The following DPYSL2 variants were observed in gnomAD, a reference collection of about 807,000 sequenced individuals.
DPYSL2 encodes dihydropyrimidinase like 2.
In DPYSL2, 13 loss-of-function variants were observed where a neutral mutation model predicts 69.9. The observed-to-expected ratio is 0.19, with a 90% CI of 0.12 to 0.30. The LOEUF (loss-of-function observed/expected upper bound fraction) is 0.30, where lower values mean the gene tolerates loss of function less well. Among genes scored for constraint, DPYSL2 ranks in the 10% least tolerant of loss-of-function variants. The pLI is 1.00. For missense variants in DPYSL2, 587 were observed against 918.9 expected, an observed-to-expected ratio of 0.64 and a Z score of 4.67; for synonymous variants, 326 against 359.1, an observed-to-expected ratio of 0.91 and a Z score of 1.04.
intron 1 of DPYSL2, among the ~76,000 whole-genome samples, chr8:26,551,046 T>C (rs1405463015): frequency 2.6e-5 from 4 of 152,248 alleles, no homozygotes; most frequent in Admixed American, 6.5e-5. Context: ...CTTTGTCCAC[T>C]GACTCACACA....
At chr8:26,581,252 A>G (rs967713631) in intron 1 of DPYSL2, among the ~76,000 whole-genome samples, 3 of 152,278 alleles carry the variant, frequency 2.0e-5, no homozygotes, top group African/African-American at 7.2e-5. Context: ...TTTTTGGTCA[A>G]TTGTGCTTGC....
At chr8:26,630,020 TACAC>T (rs941878323) in intron 7 of DPYSL2, among the ~76,000 whole-genome samples, 2 of 152,180 alleles carry the variant, frequency 1.3e-5, no homozygotes, top group Non-Finnish European at 2.9e-5. Context: ...CATGCACGTG[TACAC>T]ACACAGACAC....
rs553874774 is a variant in DPYSL2 at position 26,548,936 on chromosome 8, C to A, written c.355-33033C>A. 3.3e-5 allele frequency among the ~76,000 whole-genome samples: 5 copies of A among 152,230 alleles called. No homozygotes were observed. The East Asian group carries it at 7.7e-4, about 24-fold the overall frequency. On this transcript the variant is annotated intron_variant, in intron 1 of 13. Coordinates refer to ENST00000521913, the MANE Select transcript of DPYSL2 (RefSeq NM_001197293.3). ...GGGCGCAGTGGCTCACGCCTATAATCCCAGCACTTTGGGAAGCTGAGGCGG... is the reference window on the plus strand; with the variant it reads ...GGGCGCAGTGGCTCACGCCTATAATACCAGCACTTTGGGAAGCTGAGGCGG...
chr8:26,577,963 C>A lies in DPYSL2; in HGVS notation c.355-4006C>A, dbSNP rs368728694. On this transcript the variant is annotated intron_variant, in intron 1 of 13. Coordinates refer to ENST00000521913, the MANE Select transcript of DPYSL2 (RefSeq NM_001197293.3). ...GGCTTTTATTGCTGTAGTTTATTTC[C>A]ACCCCCTTCCCTCCTGTTTCTCTCT... 1.6e-5 allele frequency: 20 copies of A among 1,278,964 alleles called. No homozygotes were observed. In the Admixed American group the frequency reaches 2.3e-4, roughly 15 times the overall value. The allele number at this position is 1,278,964 out of a possible 1,614,324, so 79.2% of individuals were successfully genotyped here. A position where few individuals can be genotyped will look rare whatever the true frequency, so the allele number is the denominator to read the frequency against.
chr8:26,636,048 C>T (rs1256507438), intron 8 of DPYSL2, among the ~76,000 whole-genome samples: 1 of 152,158 alleles, frequency 6.6e-6, no homozygotes, highest in African/African-American at 2.4e-5. Context: ...ACGGACCCAG[C>T]GACTCCTGGC....
rs1393181933 is a variant in DPYSL2, at chr8:26,587,163, G to GAAAGAGAAAAT, written c.628+3181_628+3182insAAGAGAAAATA. On this transcript the variant is annotated intron_variant, in intron 3 of 13. Coordinates refer to ENST00000521913, the MANE Select transcript of DPYSL2 (RefSeq NM_001197293.3). The surrounding 1 kb of genome is among the most constrained non-coding windows in gnomAD (Gnocchi z 4.2). ...GGCTGGGATTTGCTTTACAGAGAAG[G>GAAAGAGAAAAT]AGGCCTTGCAAAGAGAAATAGCTTA... Among the ~76,000 whole-genome samples the GAAAGAGAAAAT allele has an allele frequency of 1.3e-5, 2 of 152,272 alleles. No individual in the cohort carries two copies. Among genetic ancestry groups the GAAAGAGAAAAT allele is most frequent in the South Asian group, 4.2e-4 (2 of 4,812 alleles).
Position 26,615,179 on chromosome 8 carries a change from C to T in DPYSL2, c.629-8964C>T, listed in dbSNP as rs186794725. Among the ~76,000 whole-genome samples, 552 of 152,254 alleles carry T rather than the reference C, an allele frequency of 3.6e-3. 3 individuals are homozygous for T. The highest frequency in any genetic ancestry group is 5.6e-3 in the Non-Finnish European group (380 of 68,010). ...TGTCTGTTCAGCTGAAAACTAGGGC[C>T]AACCCTGGCTCAGAGCTCAGGGGGC... is the stretch of plus-strand genomic sequence containing the variant. On this transcript the variant is annotated intron_variant, in intron 3 of 13. Transcript: ENST00000521913.
chr8:26,629,791 C>T (rs948369572), intron 7 of DPYSL2, among the ~76,000 whole-genome samples: 1 of 152,126 alleles, frequency 6.6e-6, no homozygotes, highest in Admixed American at 6.5e-5. Flanking sequence ...AACGGGGTCT[C>T]ACTATATTGC....
At chr8:26,639,179 T>C (rs1157774900) in intron 8 of DPYSL2, among the ~76,000 whole-genome samples, 1 of 152,176 alleles carries the variant, frequency 6.6e-6, no homozygotes, top group Non-Finnish European at 1.5e-5. Flanking sequence ...AGCTTGGGGA[T>C]GAGTCCTTAG....
chr8:26,583,246 T>C (rs979420394), intron 2 of DPYSL2, among the ~76,000 whole-genome samples: 1 of 152,236 alleles, frequency 6.6e-6, no homozygotes, highest in African/African-American at 2.4e-5. Context: ...TTTAAAATTA[T>C]ATTTCAGCTG....
chr8:26,546,283 T>A (rs1277969774), intron 1 of DPYSL2, among the ~76,000 whole-genome samples: 8 of 152,198 alleles, frequency 5.3e-5, no homozygotes, highest in Non-Finnish European at 1.2e-4. Context: ...TAATTATAAA[T>A]CCCACTTATT....
rs1206874179 is a variant in DPYSL2, at chr8:26,571,133, G to A, written c.355-10836G>A. On this transcript the variant is annotated intron_variant, in intron 1 of 13. Transcript: ENST00000521913. This position sits in a 1 kb window ranked among gnomAD's most constrained non-coding sequence, Gnocchi z 6.1. Reference sequence around the variant, plus strand: ...CTGTGGTGAGTGGACCCCTCACTAGGTAGGGAGTGAGCCCTTCCTCCTAGT... The same window carrying A: ...CTGTGGTGAGTGGACCCCTCACTAGATAGGGAGTGAGCCCTTCCTCCTAGT... Among the ~76,000 whole-genome samples the A allele has an allele frequency of 1.3e-5, 2 of 152,214 alleles. No homozygotes were observed. The highest frequency in any genetic ancestry group is 3.8e-4 in the East Asian group (2 of 5,200).
In DPYSL2 at chr8:26,577,772, T is replaced by G. The variant is rs554662733; in HGVS notation, c.355-4197T>G. 1.4e-4 allele frequency: 143 copies of G among 987,554 alleles called. 2 individuals are homozygous for G. The South Asian group carries it at 5.4e-3, about 37-fold the overall frequency. 61.2% of individuals were successfully genotyped at this position (987,554 alleles called of 1,614,324 possible). On this transcript the variant is annotated intron_variant, in intron 1 of 13. Coordinates refer to ENST00000521913, the MANE Select transcript of DPYSL2 (RefSeq NM_001197293.3). ...CCGCCTGCCGCCCCCGGCCGTTCAC[T>G]GCCGCATTTCGCGCTCTCGCGCCGC...
At position 26,545,630 on chromosome 8, in the gene DPYSL2, G is replaced by C. The variant is rs181803560; in HGVS notation, c.354+30951G>C. On this transcript the variant is annotated intron_variant, in intron 1 of 13. Transcript: ENST00000521913. Reference sequence around the variant, plus strand: ...AAAATACAAAAAATTAGCTGGGCATGGTGGCATGCACCTGTGATCCCAGCT... The same window carrying C: ...AAAATACAAAAAATTAGCTGGGCATCGTGGCATGCACCTGTGATCCCAGCT... Among the ~76,000 whole-genome samples the C allele has an allele frequency of 1.7e-4, 26 of 152,230 alleles. No homozygotes were observed. The East Asian group carries it at 4.2e-3, about 25-fold the overall frequency.
intron 11 of DPYSL2, among the ~76,000 whole-genome samples, chr8:26,651,055 T>C (rs1283645767): frequency 6.6e-6 from 1 of 152,190 alleles, no homozygotes; most frequent in Non-Finnish European, 1.5e-5. Context: ...GTCTTAGAAT[T>C]GATGAAAGAC....
chr8:26,578,447 T>C (rs1191067447), intron 1 of DPYSL2: 1 of 1,497,444 alleles, frequency 6.7e-7, no homozygotes, highest in East Asian at 2.4e-5. Flanking sequence ...GTGGTGGTGG[T>C]TGTGGGAGAT....
chr8:26,650,046 G>A lies in DPYSL2; in HGVS notation c.1597-2211G>A, dbSNP rs1283850063. ...ATCTTGGATGCTGCAGGGCTGGCAA[G>A]TGTTAGCAAAGTGCAATAAAGAGCC... On this transcript the variant is annotated intron_variant, in intron 11 of 13. Transcript: ENST00000521913. The surrounding 1 kb of genome is among the most constrained non-coding windows in gnomAD (Gnocchi z 5.3). Among the ~76,000 whole-genome samples the A allele has an allele frequency of 2.6e-5, 4 of 152,218 alleles. No individual in the cohort carries two copies. Among genetic ancestry groups the A allele is most frequent in the Admixed American group, 6.5e-5 (1 of 15,286 alleles).
At chr8:26,589,362 CCT>C (rs2129764273) in intron 3 of DPYSL2, among the ~76,000 whole-genome samples, 1 of 152,344 alleles carries the variant, frequency 6.6e-6, no homozygotes, top group African/African-American at 2.4e-5. Context: ...AATCAAGGCC[CCT>C]CTGTCTCTTA....
chr8:26,584,047 T>C (rs1801544716), intron 3 of DPYSL2, 64 bp downstream of exon 3: 1 of 1,505,506 alleles, frequency 6.6e-7, no homozygotes, highest in Non-Finnish European at 9.0e-7. Flanking sequence ...AATAAGTCTA[T>C]TGTTTGATTC....
Sources: allele counts gnomAD v4.1 joint callset (sites outside exome capture counted in the v4.1 genomes callset), GRCh38; gene constraint gnomAD v4.1.1; non-coding constraint Gnocchi (gnomAD v3.1); transcripts MANE v1.5; gene names NCBI Gene and HGNC (gene_info 2026-07-23, HGNC 2026-07-21).